Variants in DOCK10 observed in about 807,000 individuals in gnomAD.
DOCK10 encodes the protein dedicator of cytokinesis protein 10.
DOCK10 carries 145 observed loss-of-function variants against 280.1 expected under a neutral mutation model. The observed-to-expected ratio is 0.52, with a 90% CI of 0.45 to 0.59. The LOEUF (loss-of-function observed/expected upper bound fraction) is 0.59, where lower values mean the gene tolerates loss of function less well. Among genes scored for constraint, DOCK10 ranks in the 20% least tolerant of loss-of-function variants. The pLI is 0.00. For synonymous variants in DOCK10, 915 were observed against 942.2 expected (o/e 0.97, Z 0.53); for missense variants, 2,368 against 2,651.7 (o/e 0.89, Z 2.35).
chr2:224,838,469 A>T (rs886076092), intron 24 of DOCK10, among the ~76,000 whole-genome samples: 1 of 152,194 alleles, frequency 6.6e-6, no homozygotes, highest in Non-Finnish European at 1.5e-5. Context: ...CAGCTGCAAT[A>T]TCTAGGAGTC....
rs1691806871 is a variant in DOCK10, at chr2:224,787,394, T to C, written c.5422A>G (p.Ile1808Val). Residue 1808 changes from isoleucine (I) to valine (V), a missense_variant, in exon 49 of 56, where the codon ATC becomes GTC. Physicochemically the swap from Ile to Val is conservative, Grantham distance 29. Around this residue, in one of 2 missense-constraint regions of DOCK10, gnomAD observed 1,159 missense variants for 1,400.8 expected, o/e 0.83. Coordinates refer to ENST00000258390, the MANE Select transcript of DOCK10 (RefSeq NM_014689.3). Reference sequence around the variant, plus strand: ...CACATGTATAGCTGCTCCACCAGGATATTCTGCAATTCCCCCAATCAAAAT... The same window carrying C: ...CACATGTATAGCTGCTCCACCAGGACATTCTGCAATTCCCCCAATCAAAAT... Reference protein sequence around the residue: ...GMQDTPYNENILVEQLYMCVE... With the variant: ...GMQDTPYNENVLVEQLYMCVE... 1.2e-6 allele frequency: 2 copies of C among 1,613,762 alleles called. No individual in the cohort carries two copies. Among genetic ancestry groups the C allele is most frequent in the East Asian group, 2.2e-5 (1 of 44,884 alleles).
chr2:224,878,856 A>C (rs182876485), intron 7 of DOCK10, among the ~76,000 whole-genome samples: 1 of 152,316 alleles, frequency 6.6e-6, no homozygotes, highest in East Asian at 1.9e-4. Context: ...GCAGAACCTA[A>C]ATTTGTATCC....
chr2:224,881,671 G>A (rs1698984085), intron 7 of DOCK10, among the ~76,000 whole-genome samples: 1 of 152,088 alleles, frequency 6.6e-6, no homozygotes, highest in African/African-American at 2.4e-5. Flanking sequence ...CATAGTTCAT[G>A]TTCCATCAAG....
chr2:224,834,162 C>A lies in DOCK10; in HGVS notation c.2952G>T (p.Lys984Asn), dbSNP rs766206374. 3 of 1,606,718 alleles carry A rather than the reference C, an allele frequency of 1.9e-6. No individual in the cohort carries two copies. Among genetic ancestry groups the A allele is most frequent in the Non-Finnish European group, 2.6e-6 (3 of 1,173,458 alleles). ...TTTAAATTCTTACCTTTAGGACATG[C>A]TTTACTGTTGTTGAGTCATTTGATT... ...LLKSNDSTTV[K>N]HVLKHSWFFF... Residue 984 changes from lysine (K) to asparagine (N), a missense_variant, in exon 26 of 56, where the codon AAG (lysine) becomes AAT (asparagine). By Grantham distance (94) the Lys-to-Asn change is moderately conservative (BLOSUM62 0). Coordinates refer to ENST00000258390, the MANE Select transcript of DOCK10 (RefSeq NM_014689.3).
intron 1 of DOCK10, among the ~76,000 whole-genome samples, chr2:224,956,625 GAAAAAAAAAAAAAAA>G (rs3083983): frequency 0.044 from 3,443 of 78,874 alleles, 97 homozygotes; most frequent in South Asian, 0.14. Flanking sequence ...CGCTACCTCA[GAAAAAAAAAAAAAAA>G]AAAAAAAAAA....
intron 14 of DOCK10, among the ~76,000 whole-genome samples, 172 bp from the exon 15 acceptor site, chr2:224,857,154 G>C (rs1697203696): frequency 6.6e-6 from 1 of 152,046 alleles, no homozygotes; most frequent in African/African-American, 2.4e-5. Flanking sequence ...GTTTATTTTT[G>C]TTATCTTTAA....
intron 40 of DOCK10, 143 bp from the exon 41 acceptor site, chr2:224,800,406 C>T (rs764486263): frequency 2.0e-6 from 1 of 510,194 alleles, no homozygotes; most frequent in Admixed American, 3.1e-5. Flanking sequence ...TTTGTTTGTT[C>T]AGTTTCTTCA....
intron 3 of DOCK10, among the ~76,000 whole-genome samples, chr2:224,907,556 C>A (rs1042248960): frequency 3.3e-5 from 5 of 151,968 alleles, no homozygotes; most frequent in Admixed American, 3.3e-4. Flanking sequence ...GGTGTGGTGG[C>A]GGGCCCCTGT....
chr2:224,921,232 G>A (rs1487665937), intron 2 of DOCK10, among the ~76,000 whole-genome samples: 1 of 148,284 alleles, frequency 6.7e-6, no homozygotes, highest in East Asian at 2.0e-4. Context: ...AACCTGGGAG[G>A]GGGAGGTTGC....
chr2:225,002,811 G>T lies in DOCK10; in HGVS notation c.123+39441C>A, dbSNP rs147604309. On this transcript the variant is annotated intron_variant, in intron 1 of 55. Transcript: ENST00000258390. Reference sequence around the variant, plus strand: ...CACATCAGTGTGGTCTGTCTTGCATGATCGGGCAGGTGTAAACATCCACAT... The same window carrying T: ...CACATCAGTGTGGTCTGTCTTGCATTATCGGGCAGGTGTAAACATCCACAT... 6.3e-3 allele frequency among the ~76,000 whole-genome samples: 954 copies of T among 152,076 alleles called. 9 individuals carry two copies. The highest frequency in any genetic ancestry group is 0.017 in the Middle Eastern group (5 of 294).
rs907432652 is a variant in DOCK10, at chr2:224,980,676, G to A, written c.124-49008C>T. On this transcript the variant is annotated intron_variant, in intron 1 of 55. Coordinates refer to ENST00000258390, the MANE Select transcript of DOCK10 (RefSeq NM_014689.3). ...ACTTCTTACATAAATTCAGTTTATC[G>A]GTTATCATTATTTCCTTAGAAGTGT... 2.6e-5 allele frequency among the ~76,000 whole-genome samples: 4 copies of A among 152,198 alleles called. No homozygotes were observed. In the East Asian group the frequency reaches 7.7e-4, roughly 29 times the overall value.
intron 29 of DOCK10, 89 bp from the exon 30 acceptor site, chr2:224,816,802 C>A: frequency 1.4e-6 from 1 of 728,846 alleles, no homozygotes; most frequent in Non-Finnish European, 2.3e-6. Context: ...TGAATCTTAT[C>A]CCTAAAAAGA....
intron 14 of DOCK10, among the ~76,000 whole-genome samples, chr2:224,858,914 T>G (rs1485176144): frequency 6.6e-6 from 1 of 152,218 alleles, no homozygotes; most frequent in Non-Finnish European, 1.5e-5. Context: ...GTGTCCCCGA[T>G]AGATTCATTC....
At position 224,864,784 on chromosome 2, in the gene DOCK10, A is replaced by G. The variant is rs925403982; in HGVS notation, c.1479+82T>C. 10 of 1,586,726 alleles carry G rather than the reference A, an allele frequency of 6.3e-6. No individual in the cohort carries two copies. In the African/African-American group the frequency reaches 1.1e-4, roughly 17 times the overall value. On this transcript the variant is annotated intron_variant, in intron 12 of 55. Transcript: ENST00000258390. ...AGCTTTAAGGGAATTTTTATTCAGG[A>G]AATTGCTCATCTTATATGATCTATT...
At chr2:224,949,592 G>C (rs985424980) in intron 1 of DOCK10, among the ~76,000 whole-genome samples, 3 of 152,196 alleles carry the variant, frequency 2.0e-5, no homozygotes, top group African/African-American at 7.2e-5. Context: ...TCAAAGAGAT[G>C]AATGCAGAGG....
chr2:224,814,387 G>T, intron 30 of DOCK10, 23 bp from the exon 31 acceptor site: 4 of 1,430,720 alleles, frequency 2.8e-6, no homozygotes, highest in Admixed American at 2.2e-5. Context: ...TAAATAAAAA[G>T]TTCAGATATA....
At chr2:224,797,322 C>T (rs961559152) in intron 42 of DOCK10, among the ~76,000 whole-genome samples, 176 bp from the exon 43 acceptor site, 63 of 148,680 alleles carry the variant, frequency 4.2e-4, no homozygotes, top group African/African-American at 1.5e-3. Context: ...CCTATGTTAG[C>T]ATTTGTCTTT....
At chr2:224,998,466 G>T (rs1383505636) in intron 1 of DOCK10, among the ~76,000 whole-genome samples, 1 of 152,030 alleles carries the variant, frequency 6.6e-6, no homozygotes, top group African/African-American at 2.4e-5. Context: ...TGCAAGGGAA[G>T]GTTTCCCTTC....
At chr2:224,921,110 A>ATATATATATATATAT (rs1185460802) in intron 2 of DOCK10, among the ~76,000 whole-genome samples, 5 of 69,644 alleles carry the variant, frequency 7.2e-5, no homozygotes, top group African/African-American at 5.3e-4. Context: ...AAAAAAAAAA[A>ATATATATATATATAT]AAATATATAT....
Sources: gnomAD v4.1 joint callset for allele counts (sites outside exome capture counted in the v4.1 genomes callset) on GRCh38, gnomAD v4.1.1 for gene constraint, gnomAD v4.1.1 regional missense constraint, MANE v1.5 for transcripts, NCBI Gene and HGNC (gene_info 2026-07-23, HGNC 2026-07-21) for gene names.